The following KLF17 variants were observed in gnomAD, a reference collection of about 807,000 sequenced individuals.
The protein encoded by KLF17 is Krueppel-like factor 17.
In KLF17, 31 loss-of-function variants were observed where a neutral mutation model predicts 34.2. The ratio of observed to expected loss-of-function variants is 0.91; its 90% CI spans 0.68 to 1.22. The LOEUF (loss-of-function observed/expected upper bound fraction) is 1.22. Ranked by LOEUF, KLF17 falls within the 50% of genes most tolerant of loss-of-function variation. KLF17 has a pLI of 0.00. For synonymous variants in KLF17, 179 were observed against 186.7 expected (o/e 0.96, Z 0.34); for missense variants, 478 against 505.2 (o/e 0.95, Z 0.52).
At chr1:44,070,491 C>T in the KLF17 span, among the ~76,000 whole-genome samples, 2 of 152,004 alleles carry the variant, frequency 1.3e-5, no homozygotes, top group Admixed American at 6.6e-5. Context: ...ATAATGGCCT[C>T]CAGTTCCTCC....
At chr1:44,098,808 C>T in the KLF17 span, among the ~76,000 whole-genome samples, 2 of 151,978 alleles carry the variant, frequency 1.3e-5, no homozygotes, top group Non-Finnish European at 2.9e-5. Flanking sequence ...CCTCGGCCTC[C>T]CAAAGTGCTG....
the KLF17 span, among the ~76,000 whole-genome samples, chr1:44,100,372 G>A: frequency 1.3e-5 from 2 of 152,102 alleles, no homozygotes; most frequent in African/African-American, 4.8e-5. Context: ...TGGGAAACAG[G>A]AGAGAAGCTT....
the KLF17 span, chr1:44,103,924 T>G: frequency 1.2e-6 from 1 of 845,486 alleles, no homozygotes; most frequent in Non-Finnish European, 2.1e-6. Context: ...TTCTCATACT[T>G]GATCTGGTAC....
the KLF17 span, among the ~76,000 whole-genome samples, chr1:44,085,860 C>T: frequency 7.1e-6 from 1 of 139,940 alleles, no homozygotes; most frequent in Non-Finnish European, 1.5e-5. Flanking sequence ...TGGCATGGTA[C>T]ATTCCTGTTA....
At chr1:44,082,865 G>A in the KLF17 span, among the ~76,000 whole-genome samples, 3 of 151,834 alleles carry the variant, frequency 2.0e-5, no homozygotes, top group Non-Finnish European at 4.4e-5. Flanking sequence ...ATAACTGCTT[G>A]GTAAAGCTGA....
At chr1:44,130,874 C>A in intron 3 of KLF17, 118 bp downstream of exon 3, 1 of 906,552 alleles carries the variant, frequency 1.1e-6, no homozygotes, top group South Asian at 1.7e-5. Context: ...CGGTTCACTG[C>A]ACCTTCCACC....
chr1:44,051,947 T>G, the KLF17 span, among the ~76,000 whole-genome samples: 1 of 152,166 alleles, frequency 6.6e-6, no homozygotes, highest in Non-Finnish European at 1.5e-5. Flanking sequence ...GAAAATGCTC[T>G]GGGGTTTTCG....
chr1:44,133,892 TAGCCCC>T lies in KLF17; in HGVS notation c.*658_*663del, dbSNP rs2088140258. ...AGTGGCTCATTTATGACCCATTCACTAGCCCCAGGGATTGAAGTCTTGGGTACTCAA... is the reference window on the plus strand; with the variant it reads ...AGTGGCTCATTTATGACCCATTCACTAGGGATTGAAGTCTTGGGTACTCAA... On this transcript the variant is annotated 3_prime_UTR_variant, in exon 4 of 4. Coordinates refer to ENST00000372299, the MANE Select transcript of KLF17 (RefSeq NM_173484.4). 6.6e-6 allele frequency: 1 copy of T among 152,252 alleles called. No individual in the cohort carries two copies. The highest frequency in any genetic ancestry group is 1.5e-5 in the Non-Finnish European group (1 of 68,066). 9.4% of individuals were successfully genotyped at this position (152,252 alleles called of 1,614,324 possible).
the KLF17 span, among the ~76,000 whole-genome samples, chr1:44,071,216 C>T: frequency 6.6e-6 from 1 of 152,174 alleles, no homozygotes. Flanking sequence ...ACTTCTTACT[C>T]CCCTCCTTTC....
the KLF17 span, among the ~76,000 whole-genome samples, chr1:44,086,195 G>A: frequency 6.6e-6 from 1 of 152,192 alleles, no homozygotes; most frequent in East Asian, 1.9e-4. Context: ...GGTGGGGCGT[G>A]GTGGCTCACG....
At chr1:44,112,368 T>G in the KLF17 span, among the ~76,000 whole-genome samples, 1 of 152,158 alleles carries the variant, frequency 6.6e-6, no homozygotes, top group Non-Finnish European at 1.5e-5. Flanking sequence ...TTACTCCAGC[T>G]CTCTCCAATG....
At chr1:44,128,646 C>A (rs1348908047) in intron 1 of KLF17, among the ~76,000 whole-genome samples, 1 of 152,316 alleles carries the variant, frequency 6.6e-6, no homozygotes, top group East Asian at 1.9e-4. Flanking sequence ...AGCCTCAATT[C>A]CTTTCATCTC....
upstream of KLF17, chr1:44,117,081 T>G (rs542060613): frequency 4.3e-4 from 66 of 152,322 alleles, no homozygotes; most frequent in Middle Eastern, 3.4e-3. Flanking sequence ...AAATTCTGTT[T>G]TTCATTCTTT....
At chr1:44,101,402 G>C in the KLF17 span, among the ~76,000 whole-genome samples, 1 of 150,476 alleles carries the variant, frequency 6.6e-6, no homozygotes, top group Non-Finnish European at 1.5e-5. Context: ...TATGTGTCAC[G>C]TCTTCTTTAT....
chr1:44,092,032 TA>T, the KLF17 span, among the ~76,000 whole-genome samples: 1,422 of 125,352 alleles, frequency 0.011, 15 homozygotes, highest in East Asian at 0.031. Context: ...ACTACTGCAT[TA>T]AAAAAAAAAA....
chr1:44,062,531 C>T, the KLF17 span, among the ~76,000 whole-genome samples: 1 of 149,018 alleles, frequency 6.7e-6, no homozygotes, highest in Non-Finnish European at 1.5e-5. Context: ...AAACAAGACC[C>T]TATCTTTACA....
At chr1:44,100,079 T>TACAC in the KLF17 span, among the ~76,000 whole-genome samples, 4,268 of 138,578 alleles carry the variant, frequency 0.031, 81 homozygotes, top group Non-Finnish European at 0.039. Flanking sequence ...CTACTAAAAA[T>TACAC]ACACACACAC....
chr1:44,110,083 T>G, the KLF17 span, among the ~76,000 whole-genome samples: 203 of 152,014 alleles, frequency 1.3e-3, no homozygotes, highest in African/African-American at 4.6e-3. Context: ...ATTTTTGTAT[T>G]TTTACTAGAG....
At chr1:44,059,844 A>C in the KLF17 span, among the ~76,000 whole-genome samples, 6 of 152,026 alleles carry the variant, frequency 3.9e-5, no homozygotes, top group Non-Finnish European at 7.4e-5. Context: ...ATGGGATTCC[A>C]CTTGTCAGTG....
Sources: gnomAD v4.1 joint callset for allele counts (sites outside exome capture counted in the v4.1 genomes callset) on GRCh38, gnomAD v4.1.1 for gene constraint, MANE v1.5 for transcripts, NCBI Gene and HGNC (gene_info 2026-07-23, HGNC 2026-07-21) for gene names.